NLN: variants seen among roughly 807,000 people sequenced by gnomAD.
NLN encodes the protein neurolysin, mitochondrial.
A neutral mutation model predicts 79.9 loss-of-function variants in NLN; 64 were observed. The ratio of observed to expected loss-of-function variants is 0.80; its 90% CI spans 0.65 to 0.99. NLN has a LOEUF of 0.99. Among genes scored for constraint, NLN ranks in the 50% least tolerant of loss-of-function variants. The pLI, the probability that NLN is intolerant of heterozygous loss-of-function variation, is 0.00. For missense variants in NLN, 835 were observed against 858.7 expected (o/e 0.97, Z 0.34); for synonymous variants, 267 against 296.6 (o/e 0.90, Z 1.02).
At chr5:65,804,392 G>A (rs1013409318) in intron 9 of NLN, among the ~76,000 whole-genome samples, 1 of 152,098 alleles carries the variant, frequency 6.6e-6, no homozygotes, top group Admixed American at 6.6e-5. Flanking sequence ...TTCACTTATT[G>A]TACTTCACAG....
chr5:65,776,029 G>A (rs2150754579), intron 3 of NLN, among the ~76,000 whole-genome samples: 1 of 152,230 alleles, frequency 6.6e-6, no homozygotes. Flanking sequence ...GAGGCAGGTG[G>A]ATCACTTGAG....
chr5:65,779,639 T>C (rs1211321228), intron 4 of NLN, among the ~76,000 whole-genome samples: 1 of 152,234 alleles, frequency 6.6e-6, no homozygotes, highest in African/African-American at 2.4e-5. Context: ...ATTCATTCAC[T>C]CAGAAACTAT....
At chr5:65,744,154 A>C (rs1490297799) in intron 1 of NLN, among the ~76,000 whole-genome samples, 1 of 152,164 alleles carries the variant, frequency 6.6e-6, no homozygotes, top group Non-Finnish European at 1.5e-5. Context: ...TCCTGGGATC[A>C]AGTGAGCGTC....
intron 1 of NLN, chr5:65,733,114 T>A: frequency 7.0e-7 from 1 of 1,428,612 alleles, no homozygotes; most frequent in South Asian, 1.2e-5. Flanking sequence ...AAGAACCTCT[T>A]GGGGGCCTTT....
At chr5:65,815,427 C>T (rs1166469863) in intron 12 of NLN, among the ~76,000 whole-genome samples, 1 of 152,220 alleles carries the variant, frequency 6.6e-6, no homozygotes, top group Non-Finnish European at 1.5e-5. Flanking sequence ...GAGAAAGCAT[C>T]ATCCCAACAA....
intron 11 of NLN, among the ~76,000 whole-genome samples, chr5:65,811,282 A>G (rs1013362407): frequency 9.2e-5 from 14 of 152,210 alleles, no homozygotes; most frequent in African/African-American, 1.7e-4. Flanking sequence ...ATAGTAAGCC[A>G]TAGTGCACCT....
At chr5:65,777,635 G>C (rs964857797) in intron 4 of NLN, 101 bp downstream of exon 4, 1 of 759,436 alleles carries the variant, frequency 1.3e-6, no homozygotes, top group African/African-American at 1.8e-5. Context: ...ATGCTCCACA[G>C]TCTGCAACTT....
rs1758349893 is a variant in NLN at position 65,722,852 on chromosome 5, ATGAAACCTCTTTGG to A, written c.41+441_41+454del. 5.6e-5 allele frequency: 9 copies of A among 161,024 alleles called. No homozygotes were observed. The South Asian group carries it at 1.6e-3, about 28-fold the overall frequency. 10.0% of individuals were successfully genotyped at this position (161,024 alleles called of 1,614,324 possible). On this transcript the variant is annotated intron_variant, in intron 1 of 12. Coordinates refer to ENST00000380985, the MANE Select transcript of NLN (RefSeq NM_020726.5). Reference sequence around the variant, plus strand: ...TCCAATCGTTTAACATCCACCCGAGATGAAACCTCTTTGGTGGTGTTGCTTGTTTCCGTCCATGC... The same window carrying A: ...TCCAATCGTTTAACATCCACCCGAGATGGTGTTGCTTGTTTCCGTCCATGC...
chr5:65,774,968 G>A (rs564185230), intron 3 of NLN, among the ~76,000 whole-genome samples: 7 of 151,850 alleles, frequency 4.6e-5, no homozygotes, highest in South Asian at 4.2e-4. Flanking sequence ...CAAGTAATCC[G>A]TCCAATTCGG....
chr5:65,771,368 A>G (rs1759562019), intron 3 of NLN, among the ~76,000 whole-genome samples: 1 of 152,180 alleles, frequency 6.6e-6, no homozygotes, highest in Non-Finnish European at 1.5e-5. Context: ...CTTTCCAGCC[A>G]TTTTGGCGAG....
intron 3 of NLN, among the ~76,000 whole-genome samples, chr5:65,774,052 A>G (rs1472486982): frequency 2.4e-5 from 3 of 122,902 alleles, no homozygotes; most frequent in African/African-American, 9.2e-5. Flanking sequence ...AATAGAATTC[A>G]AAGTTTTTTT....
At chr5:65,817,939 A>T (rs1379588006) in intron 12 of NLN, among the ~76,000 whole-genome samples, 1 of 152,248 alleles carries the variant, frequency 6.6e-6, no homozygotes, top group Non-Finnish European at 1.5e-5. Context: ...AGGTTTTTAC[A>T]AATGGCTTTA....
intron 1 of NLN, among the ~76,000 whole-genome samples, chr5:65,744,471 C>CTT (rs1758931165): frequency 7.0e-6 from 1 of 142,528 alleles, no homozygotes; most frequent in African/African-American, 2.8e-5. Flanking sequence ...TTCTCTCTCC[C>CTT]CTTTTTTTTT....
Position 65,788,318 on chromosome 5 carries a change from G to T in NLN, c.1159G>T (p.Glu387Ter). ...QEFLKEYFPI[E>*]VVTEGLLNTY... is the part of the protein sequence containing the mutation. ...GTTCCTCAAGGAATACTTCCCAATT[G>T]AGGTGGTCACTGAAGGCTTGCTGAA... Residue 387 changes from glutamate (E) to a stop codon, truncating the protein, a stop_gained, in exon 8 of 13, where the codon GAG becomes TAG. Transcript: ENST00000380985. LOFTEE classifies it high-confidence loss of function. The T allele has an allele frequency of 6.2e-7, 1 of 1,614,158 alleles. No individual in the cohort carries two copies. The highest frequency in any genetic ancestry group is 8.5e-7 in the Non-Finnish European group (1 of 1,180,006).
In NLN at chr5:65,752,570, G is replaced by A. The variant is rs556528817; in HGVS notation, c.42-5997G>A. ...TGCAGCTGCTGGAATGACTACAGGT[G>A]CACTGGTTTTCCCACCCAGGTGCAG... On this transcript the variant is annotated intron_variant, in intron 1 of 12. Transcript: ENST00000380985. 5.9e-5 allele frequency among the ~76,000 whole-genome samples: 9 copies of A among 152,316 alleles called. No homozygotes were observed. In the South Asian group the frequency reaches 1.9e-3, roughly 32 times the overall value.
At chr5:65,726,919 GT>G (rs2150731285) in intron 1 of NLN, among the ~76,000 whole-genome samples, 1 of 152,270 alleles carries the variant, frequency 6.6e-6, no homozygotes, top group African/African-American at 2.4e-5. Flanking sequence ...TCATTTTAGT[GT>G]TATGGAGTAA....
At chr5:65,770,986 G>A (rs955016755) in intron 3 of NLN, among the ~76,000 whole-genome samples, 1 of 152,108 alleles carries the variant, frequency 6.6e-6, no homozygotes, top group Non-Finnish European at 1.5e-5. Context: ...ATTCAAGAGA[G>A]TAGTTATTTT....
rs1183929777 is a variant in NLN, at chr5:65,826,453, A to T, written c.*3538A>T. On this transcript the variant is annotated 3_prime_UTR_variant, in exon 13 of 13. Coordinates refer to ENST00000380985, the MANE Select transcript of NLN (RefSeq NM_020726.5). ...TTAAACATAGTTAACTGAGCCCCCA[A>T]AGAATGTTAAAAGAGAAAATCCATT... 1 of 152,222 alleles carries T rather than the reference A, an allele frequency of 6.6e-6. No individual in the cohort carries two copies. Among genetic ancestry groups the T allele is most frequent in the Non-Finnish European group, 1.5e-5 (1 of 68,036 alleles). 9.4% of individuals were successfully genotyped at this position (152,222 alleles called of 1,614,324 possible).
chr5:65,744,592 T>G (rs1286381730), intron 1 of NLN, among the ~76,000 whole-genome samples: 1 of 151,362 alleles, frequency 6.6e-6, no homozygotes, highest in Non-Finnish European at 1.5e-5. Flanking sequence ...TTGCATAGAG[T>G]GTTTTCTTAG....
Sources: gnomAD v4.1 joint callset for allele counts (sites outside exome capture counted in the v4.1 genomes callset) on GRCh38, gnomAD v4.1.1 for gene constraint, MANE v1.5 for transcripts, NCBI Gene and HGNC (gene_info 2026-07-23, HGNC 2026-07-21) for gene names.